Variants in SNRNP40 observed in about 807,000 individuals in gnomAD.
SNRNP40 encodes the protein small nuclear ribonucleoprotein U5 subunit 40, also known as U5 small nuclear ribonucleoprotein 40 kDa protein.
SNRNP40 carries 21 observed loss-of-function variants against 45.8 expected under a neutral mutation model. That is an observed-to-expected ratio of 0.46 (90% CI 0.32 to 0.66). The LOEUF (loss-of-function observed/expected upper bound fraction) is 0.66, where lower values mean the gene tolerates loss of function less well. SNRNP40 is among the 30% of genes least tolerant of loss of function. The pLI, the probability that SNRNP40 is intolerant of heterozygous loss-of-function variation, is 0.03. For missense variants in SNRNP40, 344 were observed against 439.1 expected (o/e 0.78, Z 1.94); for synonymous variants, 142 against 163.8 (o/e 0.87, Z 1.01).
At chr1:31,293,854 A>G (rs1340276697) in intron 1 of SNRNP40, among the ~76,000 whole-genome samples, 1 of 152,128 alleles carries the variant, frequency 6.6e-6, no homozygotes, top group African/African-American at 2.4e-5. Context: ...TATAGGAATG[A>G]GCCACCACAT....
At chr1:31,266,758 C>T (rs552618741) in intron 8 of SNRNP40, among the ~76,000 whole-genome samples, 1 of 152,308 alleles carries the variant, frequency 6.6e-6, no homozygotes, top group East Asian at 1.9e-4. Flanking sequence ...CAGGCATTAC[C>T]AATAGCTGAG....
At chr1:31,292,952 G>C (rs1053318307) in intron 2 of SNRNP40, 6 of 441,464 alleles carry the variant, frequency 1.4e-5, no homozygotes, top group African/African-American at 1.2e-4. Flanking sequence ...AAATTAGCTG[G>C]AGATTTGCCT....
intron 7 of SNRNP40, among the ~76,000 whole-genome samples, chr1:31,268,930 C>T (rs10493047): frequency 0.13 from 19,912 of 152,162 alleles, 1,445 homozygotes; most frequent in Non-Finnish European, 0.15. Context: ...AAGTCAGATG[C>T]CCTCAGTTTG....
At chr1:31,282,491 C>CTATG (rs1203569842) in intron 4 of SNRNP40, 4 of 134,178 alleles carry the variant, frequency 3.0e-5, no homozygotes, top group East Asian at 4.4e-4. Flanking sequence ...ATGTATCTAT[C>CTATG]TATCTATCTA....
At chr1:31,266,733 C>T (rs1218555279) in intron 8 of SNRNP40, among the ~76,000 whole-genome samples, 1 of 152,222 alleles carries the variant, frequency 6.6e-6, no homozygotes, top group Admixed American at 6.5e-5. Flanking sequence ...AGCTCTGAAT[C>T]ATCTCCAACA....
chr1:31,267,211 G>T (rs564140471), intron 8 of SNRNP40, among the ~76,000 whole-genome samples: 2 of 152,158 alleles, frequency 1.3e-5, no homozygotes, highest in Non-Finnish European at 2.9e-5. Context: ...TGGTGATGGT[G>T]GGGGAGGTGG....
At chr1:31,269,540 T>C (rs1443229595) in intron 6 of SNRNP40, 8 of 518,062 alleles carry the variant, frequency 1.5e-5, no homozygotes, top group Non-Finnish European at 9.1e-6. Flanking sequence ...AAAAGATATT[T>C]TGCAAGATTT....
At chr1:31,270,360 C>T (rs1483231887) in intron 6 of SNRNP40, among the ~76,000 whole-genome samples, 1 of 152,058 alleles carries the variant, frequency 6.6e-6, no homozygotes, top group Non-Finnish European at 1.5e-5. Flanking sequence ...AGGCATGGTA[C>T]TTGGGAGGCT....
chr1:31,289,485 T>C (rs1011711712), intron 3 of SNRNP40, 66 bp from the exon 4 acceptor site: 2 of 1,497,096 alleles, frequency 1.3e-6, no homozygotes, highest in African/African-American at 2.8e-5. Flanking sequence ...CTATCTTTCC[T>C]ACTTGACAAA....
At chr1:31,260,934 T>TAAA in intron 9 of SNRNP40, 1 of 980,046 alleles carries the variant, frequency 1.0e-6, no homozygotes, top group South Asian at 1.8e-5. Context: ...GGAAGTAAAT[T>TAAA]TAAAAAAAAA....
intron 5 of SNRNP40, among the ~76,000 whole-genome samples, chr1:31,277,423 T>C (rs1472554455): frequency 3.9e-5 from 6 of 152,238 alleles, no homozygotes; most frequent in Non-Finnish European, 7.3e-5. Context: ...TTGTAATTAA[T>C]TGTTAATAAT....
At chr1:31,279,782 A>T (rs2148386269) in intron 5 of SNRNP40, among the ~76,000 whole-genome samples, 1 of 151,594 alleles carries the variant, frequency 6.6e-6, no homozygotes, top group African/African-American at 2.4e-5. Flanking sequence ...AGGTTGAAAG[A>T]AGTGACGAAG....
At chr1:31,287,398 A>C (rs915763019) in intron 4 of SNRNP40, among the ~76,000 whole-genome samples, 1 of 152,250 alleles carries the variant, frequency 6.6e-6, no homozygotes, top group Non-Finnish European at 1.5e-5. Flanking sequence ...TTAAGGCAGA[A>C]GAGAAGCAAA....
intron 5 of SNRNP40, among the ~76,000 whole-genome samples, chr1:31,280,150 A>C (rs1412349048): frequency 6.7e-6 from 1 of 149,134 alleles, no homozygotes; most frequent in African/African-American, 2.5e-5. Context: ...ACCTTTAGAC[A>C]AAAGCAAGGA....
At chr1:31,274,903 T>C (rs764209120) in intron 5 of SNRNP40, among the ~76,000 whole-genome samples, 21 of 152,096 alleles carry the variant, frequency 1.4e-4, no homozygotes, top group Non-Finnish European at 2.8e-4. Flanking sequence ...TCCTTATTTG[T>C]TTCTCTTTCT....
At position 31,267,478 on chromosome 1, in the gene SNRNP40, G is replaced by C. The variant is rs570265163; in HGVS notation, c.920+393C>G. Reference sequence around the variant, plus strand: ...CAGTCATAACTCTATGTCTGCTCTAGCTCCATATCCACGCTTTATGTATAA... The same window carrying C: ...CAGTCATAACTCTATGTCTGCTCTACCTCCATATCCACGCTTTATGTATAA... On this transcript the variant is annotated intron_variant, in intron 8 of 9. Coordinates refer to ENST00000263694, the MANE Select transcript of SNRNP40 (RefSeq NM_004814.3). Among the ~76,000 whole-genome samples the C allele has an allele frequency of 1.4e-3, 210 of 152,196 alleles. 1 individual carries two copies. The highest frequency in any genetic ancestry group is 2.5e-3 in the Non-Finnish European group (169 of 68,020).
At position 31,261,645 on chromosome 1, in the gene SNRNP40, A is replaced by C; in HGVS notation, c.921-13T>G. ...CACATAAACAAACCTGTAAGGTATC[A>C]TGAAAAGCAAGGGTAAGTCCTCTTA... is the stretch of plus-strand genomic sequence containing the variant. On this transcript the variant is annotated splice_polypyrimidine_tract_variant and intron_variant, in intron 8 of 9. Coordinates refer to ENST00000263694, the MANE Select transcript of SNRNP40 (RefSeq NM_004814.3). 2 of 1,584,626 alleles carry C rather than the reference A, an allele frequency of 1.3e-6. No homozygotes were observed. Among genetic ancestry groups the C allele is most frequent in the Non-Finnish European group, 1.7e-6 (2 of 1,153,294 alleles).
intron 8 of SNRNP40, among the ~76,000 whole-genome samples, chr1:31,266,990 T>G (rs555079390): frequency 6.6e-6 from 1 of 152,210 alleles, no homozygotes; most frequent in Non-Finnish European, 1.5e-5. Context: ...AAAGTTTAGA[T>G]GTATGAAATG....
At chr1:31,276,727 A>G (rs1186718233) in intron 5 of SNRNP40, among the ~76,000 whole-genome samples, 1 of 152,132 alleles carries the variant, frequency 6.6e-6, no homozygotes, top group Non-Finnish European at 1.5e-5. Flanking sequence ...TTCTAAAAAA[A>G]CAAAAACGAA....
Sources: gnomAD v4.1 joint callset for allele counts (sites outside exome capture counted in the v4.1 genomes callset) on GRCh38, gnomAD v4.1.1 for gene constraint, MANE v1.5 for transcripts, NCBI Gene and HGNC (gene_info 2026-07-23, HGNC 2026-07-21) for gene names.